The following BMAL1 variants were observed in gnomAD, a reference collection of about 807,000 sequenced individuals.
BMAL1 encodes basic helix-loop-helix ARNT like 1, also known as basic helix-loop-helix ARNT-like protein 1.
the BMAL1 span, among the ~76,000 whole-genome samples, chr11:13,309,632 G>A: frequency 1.3e-5 from 2 of 152,098 alleles, no homozygotes; most frequent in Admixed American, 6.6e-5. Context: ...CTAAGTGCCC[G>A]TAGTGTTCTA....
At chr11:13,333,291 G>C in the BMAL1 span, among the ~76,000 whole-genome samples, 664 of 152,256 alleles carry the variant, frequency 4.4e-3, 6 homozygotes, top group Non-Finnish European at 4.0e-3. Context: ...ATCGTCCAGA[G>C]TAAGAAAATG....
At chr11:13,373,567 C>T in the BMAL1 span, among the ~76,000 whole-genome samples, 5 of 152,246 alleles carry the variant, frequency 3.3e-5, no homozygotes, top group African/African-American at 7.2e-5. Context: ...AGTGCAGTGG[C>T]GAGATCTTGG....
At chr11:13,284,317 A>T in the BMAL1 span, among the ~76,000 whole-genome samples, 1 of 145,924 alleles carries the variant, frequency 6.9e-6, no homozygotes, top group Non-Finnish European at 1.5e-5. Flanking sequence ...ATAGTAAGGG[A>T]CACATTGTTT....
At chr11:13,369,749 A>G in the BMAL1 span, 1 of 1,610,136 alleles carries the variant, frequency 6.2e-7, no homozygotes, top group Non-Finnish European at 8.5e-7. Flanking sequence ...CTTCCCCTCT[A>G]CCTGCTCAAA....
the BMAL1 span, among the ~76,000 whole-genome samples, chr11:13,360,968 T>C: frequency 6.6e-6 from 1 of 152,112 alleles, no homozygotes. Context: ...ATATAAAAAT[T>C]AGCTGGGTGT....
chr11:13,304,567 T>C, the BMAL1 span, among the ~76,000 whole-genome samples: 75 of 152,320 alleles, frequency 4.9e-4, no homozygotes, highest in African/African-American at 1.7e-3. Flanking sequence ...CATTCATGAC[T>C]AGGCTTTCAG....
the BMAL1 span, among the ~76,000 whole-genome samples, chr11:13,283,931 C>T: frequency 6.6e-6 from 1 of 151,658 alleles, no homozygotes; most frequent in Admixed American, 6.6e-5. Context: ...AACCTTTTAA[C>T]ATAACTCACT....
At chr11:13,386,516 A>G in the BMAL1 span, 2 of 1,355,840 alleles carry the variant, frequency 1.5e-6, no homozygotes, top group African/African-American at 1.5e-5. Context: ...TCTTATTAAA[A>G]ATGTGCTTAG....
At chr11:13,300,650 T>G in the BMAL1 span, among the ~76,000 whole-genome samples, 1 of 152,216 alleles carries the variant, frequency 6.6e-6, no homozygotes, top group Non-Finnish European at 1.5e-5. Context: ...GATCTCTTCT[T>G]AAGGATATTT....
At chr11:13,372,223 C>T in the BMAL1 span, 4 of 1,614,162 alleles carry the variant, frequency 2.5e-6, no homozygotes, top group South Asian at 2.2e-5. Context: ...TGGCCACCCA[C>T]AAAGATGGGG....
At chr11:13,385,602 T>TC in the BMAL1 span, 1 of 915,602 alleles carries the variant, frequency 1.1e-6, no homozygotes, top group Non-Finnish European at 1.7e-6. Flanking sequence ...TTGAAGCTTC[T>TC]CCCCACCCCA....
the BMAL1 span, among the ~76,000 whole-genome samples, chr11:13,329,342 A>C: frequency 1.3e-5 from 2 of 152,168 alleles, no homozygotes; most frequent in Non-Finnish European, 2.9e-5. Flanking sequence ...GAGTTTGGAA[A>C]ATCTGACCAC....
chr11:13,370,357 C>G, the BMAL1 span, among the ~76,000 whole-genome samples: 1 of 152,250 alleles, frequency 6.6e-6, no homozygotes, highest in Admixed American at 6.5e-5. Context: ...ATATTTCCAG[C>G]CTAGACTTGT....
the BMAL1 span, among the ~76,000 whole-genome samples, chr11:13,335,668 A>T: frequency 3.0e-4 from 46 of 152,276 alleles, no homozygotes; most frequent in Non-Finnish European, 5.9e-4. Context: ...AACACAAATA[A>T]TTTTTGCATG....
At chr11:13,320,394 C>T in the BMAL1 span, among the ~76,000 whole-genome samples, 31 of 152,190 alleles carry the variant, frequency 2.0e-4, no homozygotes, top group Non-Finnish European at 4.6e-4. Context: ...TCAGCTTCAT[C>T]AGACCCATGC....
At chr11:13,359,057 G>T in the BMAL1 span, among the ~76,000 whole-genome samples, 742 of 152,312 alleles carry the variant, frequency 4.9e-3, 7 homozygotes, top group African/African-American at 0.017. Context: ...ACATTTTGTT[G>T]TCAGGAATGA....
At chr11:13,329,765 T>G in the BMAL1 span, among the ~76,000 whole-genome samples, 1 of 152,162 alleles carries the variant, frequency 6.6e-6, no homozygotes, top group Admixed American at 6.5e-5. Flanking sequence ...ATAACTGCAT[T>G]GCCTTCTTGG....
At chr11:13,302,182 CAGTG>C in the BMAL1 span, among the ~76,000 whole-genome samples, 1 of 152,110 alleles carries the variant, frequency 6.6e-6, no homozygotes, top group African/African-American at 2.4e-5. Context: ...AGAAGTTTGT[CAGTG>C]AGGCCCAGAG....
chr11:13,330,036 G>A, the BMAL1 span, among the ~76,000 whole-genome samples: 2 of 152,322 alleles, frequency 1.3e-5, no homozygotes, highest in South Asian at 2.1e-4. Context: ...CACGACTTAG[G>A]CAGACGGACA....
Sources: allele counts gnomAD v4.1 joint callset (sites outside exome capture counted in the v4.1 genomes callset), GRCh38; gene constraint gnomAD v4.1.1; transcripts MANE v1.5; gene names NCBI Gene and HGNC (gene_info 2026-07-23, HGNC 2026-07-21).